Variants in NHSL3 observed in about 807,000 individuals in gnomAD.
NHSL3 encodes the protein NHS like 3.
At chr1:32,760,230 C>T in the NHSL3 span, among the ~76,000 whole-genome samples, 1 of 152,096 alleles carries the variant, frequency 6.6e-6, no homozygotes, top group Non-Finnish European at 1.5e-5. Context: ...TGAGCAAGGC[C>T]ACCTGGACAG....
the NHSL3 span, among the ~76,000 whole-genome samples, chr1:32,766,039 A>T: frequency 6.6e-6 from 1 of 152,046 alleles, no homozygotes; most frequent in African/African-American, 2.4e-5. Flanking sequence ...GGGAGGATGG[A>T]TCCAGGTGTC....
At chr1:32,772,302 C>CCA in the NHSL3 span, 1 of 723,914 alleles carries the variant, frequency 1.4e-6, no homozygotes, top group Non-Finnish European at 2.3e-6. Context: ...CCCCCAGTTA[C>CCA]CCTCGAGCTG....
the NHSL3 span, chr1:32,753,954 G>A: frequency 9.5e-6 from 3 of 315,366 alleles, no homozygotes; most frequent in Non-Finnish European, 1.8e-5. Flanking sequence ...AGAGCTCGGG[G>A]GCGTGGTCGA....
At chr1:32,766,774 G>T in the NHSL3 span, among the ~76,000 whole-genome samples, 9,137 of 152,250 alleles carry the variant, frequency 0.06, 353 homozygotes, top group Admixed American at 0.088. Context: ...TCATTTAAAG[G>T]GGGGGCTGGG....
the NHSL3 span, chr1:32,765,637 TG>T: frequency 6.5e-7 from 1 of 1,530,276 alleles, no homozygotes; most frequent in South Asian, 1.2e-5. Context: ...CTCCTCTGTC[TG>T]GAGCCGGTGC....
chr1:32,769,720 G>C, the NHSL3 span: 1 of 1,614,100 alleles, frequency 6.2e-7, no homozygotes, highest in Non-Finnish European at 8.5e-7. Context: ...TGGAAAGTCA[G>C]GGCGGCGTCG....
the NHSL3 span, chr1:32,769,982 G>C: frequency 1.1e-4 from 169 of 1,607,810 alleles, no homozygotes; most frequent in South Asian, 1.8e-3. Context: ...GGCACCTCAG[G>C]GATGGGGGCC....
At chr1:32,742,814 G>A in the NHSL3 span, among the ~76,000 whole-genome samples, 2 of 152,164 alleles carry the variant, frequency 1.3e-5, no homozygotes, top group Non-Finnish European at 2.9e-5. Context: ...GAACCAACCC[G>A]CCCCTCCCTA....
the NHSL3 span, among the ~76,000 whole-genome samples, chr1:32,746,460 G>A: frequency 1.3e-5 from 2 of 152,142 alleles, no homozygotes; most frequent in Non-Finnish European, 2.9e-5. Context: ...GGGAAGAGAA[G>A]TAACAGGAAG....
chr1:32,774,206 C>T, the NHSL3 span: 2 of 152,574 alleles, frequency 1.3e-5, no homozygotes, highest in African/African-American at 4.8e-5. Context: ...CTTTCCTTAA[C>T]AGTGACTTGG....
the NHSL3 span, among the ~76,000 whole-genome samples, chr1:32,755,177 C>T: frequency 6.6e-6 from 1 of 152,224 alleles, no homozygotes; most frequent in African/African-American, 2.4e-5. Context: ...ATCGAGAGTG[C>T]CTAGTTACTG....
At chr1:32,751,516 A>G in the NHSL3 span, among the ~76,000 whole-genome samples, 1 of 152,054 alleles carries the variant, frequency 6.6e-6, no homozygotes, top group Non-Finnish European at 1.5e-5. Flanking sequence ...CACTAAAACT[A>G]TTGTCTGAAG....
At chr1:32,743,023 G>A in the NHSL3 span, among the ~76,000 whole-genome samples, 1 of 152,226 alleles carries the variant, frequency 6.6e-6, no homozygotes, top group African/African-American at 2.4e-5. Flanking sequence ...CCTGAAAGGC[G>A]GGGAAGCCGA....
the NHSL3 span, among the ~76,000 whole-genome samples, chr1:32,749,046 C>A: frequency 6.6e-6 from 1 of 152,108 alleles, no homozygotes; most frequent in Non-Finnish European, 1.5e-5. Flanking sequence ...ATGAACCTCA[C>A]GATGAGTGTG....
chr1:32,750,742 G>A, the NHSL3 span, among the ~76,000 whole-genome samples: 2 of 151,920 alleles, frequency 1.3e-5, no homozygotes. Context: ...TGCTGACCTT[G>A]TGATCTGCCC....
At chr1:32,765,737 G>A in the NHSL3 span, 1 of 1,546,724 alleles carries the variant, frequency 6.5e-7, no homozygotes, top group Non-Finnish European at 8.7e-7. Context: ...AGGCAGGGTG[G>A]GATAGGGAAC....
the NHSL3 span, chr1:32,771,377 C>T: frequency 2.6e-6 from 4 of 1,553,704 alleles, no homozygotes; most frequent in Middle Eastern, 3.4e-4. Context: ...CCACCTTCCC[C>T]ACCCCCATCT....
chr1:32,771,089 C>T, the NHSL3 span: 211 of 1,613,830 alleles, frequency 1.3e-4, 5 homozygotes, highest in South Asian at 2.0e-3. Flanking sequence ...TGTTCCTCCT[C>T]CTCTGACCCA....
At chr1:32,761,767 C>T in the NHSL3 span, among the ~76,000 whole-genome samples, 1 of 151,666 alleles carries the variant, frequency 6.6e-6, no homozygotes, top group African/African-American at 2.4e-5. Flanking sequence ...CTGCAAATGT[C>T]GGTCTACTGG....
Sources: gnomAD v4.1 joint callset for allele counts (sites outside exome capture counted in the v4.1 genomes callset) on GRCh38, gnomAD v4.1.1 for gene constraint, MANE v1.5 for transcripts, NCBI Gene and HGNC (gene_info 2026-07-23, HGNC 2026-07-21) for gene names.